The following SMYD1 variants were observed in gnomAD, a reference collection of about 807,000 sequenced individuals.
The protein encoded by SMYD1 is histone-lysine N-methyltransferase SMYD1.
SMYD1 carries 49 observed loss-of-function variants against 54.0 expected under a neutral mutation model. The ratio of observed to expected loss-of-function variants is 0.91; its 90% CI spans 0.72 to 1.15. SMYD1 has a LOEUF of 1.15. SMYD1 is among the 50% of genes most tolerant of loss of function. The probability of loss-of-function intolerance (pLI) is 0.00; values close to 1 mark genes in which losing one functional copy is unlikely to be tolerated. For missense variants in SMYD1, 653 were observed against 639.6 expected, an observed-to-expected ratio of 1.02 and a Z score of -0.23; for synonymous variants, 269 against 234.2, an observed-to-expected ratio of 1.15 and a Z score of -1.36.
chr2:88,101,079 G>T (rs1674708913), intron 6 of SMYD1, among the ~76,000 whole-genome samples: 2 of 152,206 alleles, frequency 1.3e-5, no homozygotes, highest in Non-Finnish European at 2.9e-5. Flanking sequence ...AGGTGTCCTG[G>T]CCAGAGGACT....
chr2:88,093,634 C>T, intron 5 of SMYD1, 79 bp downstream of exon 5: 1 of 1,511,602 alleles, frequency 6.6e-7, no homozygotes, highest in Non-Finnish European at 9.2e-7. Flanking sequence ...CCACCCATTC[C>T]CGAGACTTCT....
chr2:88,091,322 A>G (rs2103996798), intron 4 of SMYD1, among the ~76,000 whole-genome samples, 180 bp downstream of exon 4: 1 of 152,330 alleles, frequency 6.6e-6, no homozygotes, highest in Middle Eastern at 3.4e-3. Context: ...ATCATGGAGG[A>G]TATCAAAGAA....
intron 3 of SMYD1, 23 bp from the exon 4 acceptor site, chr2:88,090,989 C>T (rs771721703): frequency 1.2e-6 from 2 of 1,605,360 alleles, no homozygotes; most frequent in Non-Finnish European, 1.7e-6. Flanking sequence ...TCGACTGACT[C>T]TTTCATCTTT....
At chr2:88,106,599 C>G in intron 8 of SMYD1, 111 bp downstream of exon 8, 3 of 1,102,362 alleles carry the variant, frequency 2.7e-6, no homozygotes, top group Non-Finnish European at 3.9e-6. Context: ...CCACAGCAGG[C>G]GTCAGTAATC....
chr2:88,106,435 C>G lies in SMYD1; in HGVS notation c.1092C>G (p.Leu364=). The G allele has an allele frequency of 6.2e-7, 1 of 1,614,140 alleles. No homozygotes were observed. The highest frequency in any genetic ancestry group is 8.5e-7 in the Non-Finnish European group (1 of 1,180,020). The change falls in exon 8 of 10, where the codon CTC becomes CTG. Residue 364 remains leucine (L), a synonymous_variant. Coordinates refer to ENST00000419482, the MANE Select transcript of SMYD1 (RefSeq NM_198274.4). ...TTGTTTCGGAGGTCCTTTCCTACCT[C>G]CAGGCCTTTGAGGAGGCCTCGTTCT... ...LSIVSEVLSY[L]QAFEEASFYA... is the part of the protein sequence containing the mutation.
intron 6 of SMYD1, 77 bp from the exon 7 acceptor site, chr2:88,102,981 A>G (rs1674754893): frequency 8.7e-7 from 1 of 1,145,788 alleles, no homozygotes; most frequent in African/African-American, 1.5e-5. Flanking sequence ...ATTGAATGTC[A>G]AAGATGGCAA....
intron 3 of SMYD1, among the ~76,000 whole-genome samples, chr2:88,089,704 C>T (rs183192511): frequency 4.6e-4 from 69 of 151,316 alleles, no homozygotes; most frequent in Non-Finnish European, 7.7e-4. Context: ...GTGATCCTCC[C>T]GCCTCCCAAG....
At chr2:88,100,154 G>C (rs951080765) in intron 6 of SMYD1, among the ~76,000 whole-genome samples, 1 of 152,134 alleles carries the variant, frequency 6.6e-6, no homozygotes, top group African/African-American at 2.4e-5. Context: ...CTGCAAATCA[G>C]AGTGTTCCTG....
Position 88,075,643 on chromosome 2 carries a change from T to C in SMYD1, c.137+7642T>C, listed in dbSNP as rs1674045862. On this transcript the variant is annotated intron_variant, in intron 1 of 9. Coordinates refer to ENST00000419482, the MANE Select transcript of SMYD1 (RefSeq NM_198274.4). ...GCCTCTACCTGCTGGGCCCAAGCCA[T>C]CCTCCCACCTCAGTCTCTGGAGTAG... Among the ~76,000 whole-genome samples the C allele has an allele frequency of 2.1e-5, 3 of 145,454 alleles. 1 individual carries two copies. The Middle Eastern group carries it at 0.011, about 516-fold the overall frequency.
chr2:88,110,468 C>A lies in SMYD1; in HGVS notation c.1429C>A (p.Pro477Thr). ...NNQPMQVMAE[P>T]SNEPSPALFH... ...CCAGCCCATGCAGGTCATGGCCGAG[C>A]CCAGCAATGAGCCATCCCCAGCTCT... is the stretch of plus-strand genomic sequence containing the variant. Residue 477 changes from proline to threonine, a missense_variant, in exon 10 of 10, where the codon CCC (proline) becomes ACC (threonine). Coordinates refer to ENST00000419482, the MANE Select transcript of SMYD1 (RefSeq NM_198274.4). The A allele has an allele frequency of 6.2e-7, 1 of 1,600,876 alleles. No homozygotes were observed. Among genetic ancestry groups the A allele is most frequent in the Admixed American group, 1.7e-5 (1 of 58,168 alleles).
intron 6 of SMYD1, 39 bp from the exon 7 acceptor site, chr2:88,103,019 A>G: frequency 1.3e-6 from 2 of 1,567,590 alleles, no homozygotes; most frequent in Non-Finnish European, 1.8e-6. Context: ...GGGTTGCCTC[A>G]TGAAGGCATC....
chr2:88,095,362 G>A (rs1558854754), intron 5 of SMYD1, among the ~76,000 whole-genome samples: 2 of 152,218 alleles, frequency 1.3e-5, no homozygotes, highest in African/African-American at 2.4e-5. Context: ...AGGCATGTCA[G>A]TGTATCTCAC....
chr2:88,102,241 T>C (rs952369850), intron 6 of SMYD1, among the ~76,000 whole-genome samples: 2 of 152,236 alleles, frequency 1.3e-5, no homozygotes, highest in African/African-American at 4.8e-5. Context: ...AAGCATAGCA[T>C]GTAAACTTCT....
In SMYD1 at chr2:88,110,815, T is replaced by C. The variant is rs1450967495; in HGVS notation, c.*303T>C. On this transcript the variant is annotated 3_prime_UTR_variant, in exon 10 of 10. Transcript: ENST00000419482. ...TGGGGAAGCAAAATGTAGAGAAACA[T>C]TTAAAGCACACTGTAATAATAAATG... 1 of 305,894 alleles carries C rather than the reference T, an allele frequency of 3.3e-6. No individual in the cohort carries two copies. The highest frequency in any genetic ancestry group is 2.2e-5 in the African/African-American group (1 of 46,296). The allele number at this position is 305,894 out of a possible 1,614,324, so 18.9% of individuals were successfully genotyped here.
chr2:88,102,073 T>C (rs1477131241), intron 6 of SMYD1, among the ~76,000 whole-genome samples: 2 of 152,196 alleles, frequency 1.3e-5, no homozygotes, highest in African/African-American at 4.8e-5. Context: ...CTTTTTTTTT[T>C]AACCATACTT....
At chr2:88,102,961 C>T (rs1674754406) in intron 6 of SMYD1, 97 bp from the exon 7 acceptor site, 2 of 902,352 alleles carry the variant, frequency 2.2e-6, no homozygotes, top group Non-Finnish European at 3.6e-6. Context: ...AGACATTAAC[C>T]TTGTGCTACA....
At chr2:88,078,587 G>A (rs1674121239) in intron 1 of SMYD1, among the ~76,000 whole-genome samples, 1 of 140,098 alleles carries the variant, frequency 7.1e-6, no homozygotes, top group African/African-American at 2.7e-5. Flanking sequence ...CAGAGGGACA[G>A]GCTTAAAAAA....
At chr2:88,108,589 A>G (rs781203857) in intron 9 of SMYD1, 50 bp downstream of exon 9, 2 of 1,500,296 alleles carry the variant, frequency 1.3e-6, no homozygotes, top group Non-Finnish European at 1.8e-6. Context: ...GAGCTTTCTG[A>G]GGATGGGAGT....
chr2:88,090,831 C>T (rs1674444321), intron 3 of SMYD1, among the ~76,000 whole-genome samples, 181 bp from the exon 4 acceptor site: 1 of 152,224 alleles, frequency 6.6e-6, no homozygotes. Context: ...TTCCATGGCC[C>T]TAATCTTGTG....
Sources: allele counts gnomAD v4.1 joint callset (sites outside exome capture counted in the v4.1 genomes callset), GRCh38; gene constraint gnomAD v4.1.1; transcripts MANE v1.5; gene names NCBI Gene and HGNC (gene_info 2026-07-23, HGNC 2026-07-21).